SLC25A28: variants seen among roughly 807,000 people sequenced by gnomAD.
The protein encoded by SLC25A28 is mitoferrin-2.
Under a neutral mutation model 31.9 loss-of-function variants are expected in SLC25A28, and 10 were observed. That is an observed-to-expected ratio of 0.31 (90% CI 0.19 to 0.53). SLC25A28 has a LOEUF of 0.53. SLC25A28 is among the 20% of genes least tolerant of loss of function. The pLI is 0.95. For synonymous variants in SLC25A28, 208 were observed against 203.6 expected, an observed-to-expected ratio of 1.02 and a Z score of -0.19; for missense variants, 256 against 490.3, an observed-to-expected ratio of 0.52 and a Z score of 4.51.
chr10:99,617,812 T>C, intron 1 of SLC25A28: 2 of 983,746 alleles, frequency 2.0e-6, no homozygotes, highest in Non-Finnish European at 2.4e-6. Flanking sequence ...AACTGCTATG[T>C]TGTATGACTA....
intron 1 of SLC25A28, among the ~76,000 whole-genome samples, chr10:99,619,693 T>C (rs961519806): frequency 2.0e-5 from 3 of 152,250 alleles, no homozygotes; most frequent in African/African-American, 7.2e-5. Flanking sequence ...TTCACGCCAG[T>C]TGGCTTCACC....
the SLC25A28 span, among the ~76,000 whole-genome samples, chr10:99,636,305 TCAACTC>T: frequency 4.6e-5 from 7 of 152,188 alleles, no homozygotes; most frequent in African/African-American, 1.7e-4. Context: ...AAACTGGAAA[TCAACTC>T]CAAAAGGAAC....
intron 1 of SLC25A28, chr10:99,617,392 G>T (rs2034683241): frequency 1.0e-6 from 1 of 985,448 alleles, no homozygotes. Context: ...AGGATGGACA[G>T]GCCTGCATGT....
chr10:99,620,853 C>T (rs1254565072), upstream of SLC25A28: 1 of 985,364 alleles, frequency 1.0e-6, no homozygotes, highest in African/African-American at 1.7e-5. Flanking sequence ...TCACTAGCGC[C>T]TGCAGAGCTG....
At chr10:99,627,410 T>A in the SLC25A28 span, among the ~76,000 whole-genome samples, 1 of 151,614 alleles carries the variant, frequency 6.6e-6, no homozygotes, top group South Asian at 2.1e-4. Context: ...CCAATTACAC[T>A]CTTTATTTAT....
At chr10:99,647,499 T>A in the SLC25A28 span, among the ~76,000 whole-genome samples, 1 of 152,234 alleles carries the variant, frequency 6.6e-6, no homozygotes, top group Non-Finnish European at 1.5e-5. Context: ...GCCCAATTTT[T>A]AATGGGATTA....
the SLC25A28 span, among the ~76,000 whole-genome samples, chr10:99,658,165 T>C: frequency 1.3e-5 from 2 of 152,174 alleles, no homozygotes; most frequent in African/African-American, 2.4e-5. Flanking sequence ...CCAGCCTGGA[T>C]GACAACAGAG....
upstream of SLC25A28, chr10:99,622,744 G>T (rs1026596997): frequency 1.2e-5 from 12 of 980,534 alleles, no homozygotes; most frequent in Non-Finnish European, 1.5e-5. Flanking sequence ...ATGCTTCTTG[G>T]TCATCTTTAA....
the SLC25A28 span, among the ~76,000 whole-genome samples, chr10:99,650,315 C>A: frequency 6.6e-6 from 1 of 152,102 alleles, no homozygotes; most frequent in Non-Finnish European, 1.5e-5. Flanking sequence ...GTAACTGGGA[C>A]TATAGGTGCA....
At chr10:99,631,966 G>A in the SLC25A28 span, among the ~76,000 whole-genome samples, 5 of 121,672 alleles carry the variant, frequency 4.1e-5, no homozygotes, top group South Asian at 5.7e-4. Context: ...GCGCAATCTC[G>A]GCTCACTGCA....
rs772873354 is a variant in SLC25A28 at position 99,613,861 on chromosome 10, A to G, written c.355T>C (p.Trp119Arg). The change falls in exon 2 of 4, where the codon TGG becomes CGG. Residue 119 changes from tryptophan (W) to arginine (R), a missense_variant. By Grantham distance (101) the Trp-to-Arg change is moderately radical (BLOSUM62 -3). Coordinates refer to ENST00000370495, the MANE Select transcript of SLC25A28 (RefSeq NM_031212.4). The surrounding 1 kb of genome is among the most constrained non-coding windows in gnomAD (Gnocchi z 4.9). ...ARYRNVLEAL[W>R]RIIRTEGLWR... ...AGGCCCTCCGTTCTTATAATCCTCC[A>G]GAGGGCCTCCAACACATTGCGATAG... The G allele has an allele frequency of 6.2e-7, 1 of 1,614,168 alleles. No individual in the cohort carries two copies.
At chr10:99,647,480 A>T in the SLC25A28 span, among the ~76,000 whole-genome samples, 1 of 152,122 alleles carries the variant, frequency 6.6e-6, no homozygotes, top group Non-Finnish European at 1.5e-5. Flanking sequence ...ATGTCTGTTC[A>T]TGTCCTTTGC....
the SLC25A28 span, among the ~76,000 whole-genome samples, chr10:99,650,616 G>A: frequency 6.6e-6 from 1 of 151,726 alleles, no homozygotes; most frequent in Non-Finnish European, 1.5e-5. Context: ...AAGAAGCTGT[G>A]GGGAAATGCA....
the SLC25A28 span, among the ~76,000 whole-genome samples, chr10:99,633,132 T>C: frequency 4.1e-4 from 62 of 152,190 alleles, no homozygotes; most frequent in East Asian, 0.011. Context: ...GGACACAACA[T>C]TTTCATTTAA....
the SLC25A28 span, among the ~76,000 whole-genome samples, chr10:99,648,230 C>A: frequency 6.6e-6 from 1 of 151,624 alleles, no homozygotes; most frequent in Non-Finnish European, 1.5e-5. Flanking sequence ...CAACTTCTGG[C>A]CTCAAGTAAT....
At chr10:99,622,821 T>C, upstream of SLC25A28, 1 of 394,652 alleles carries the variant, frequency 2.5e-6, no homozygotes, top group South Asian at 1.1e-4. Context: ...ATTTCCCTTA[T>C]TGCATACTTT....
At chr10:99,644,944 C>G in the SLC25A28 span, among the ~76,000 whole-genome samples, 2 of 152,186 alleles carry the variant, frequency 1.3e-5, no homozygotes, top group East Asian at 3.9e-4. Context: ...GATGGGCTTG[C>G]CTTTGTGGGT....
intron 1 of SLC25A28, chr10:99,619,235 T>C (rs915929282): frequency 2.0e-6 from 2 of 985,332 alleles, no homozygotes; most frequent in African/African-American, 1.7e-5. Context: ...ATTTTCTTCA[T>C]ACTTACATCT....
At chr10:99,634,355 G>A in the SLC25A28 span, among the ~76,000 whole-genome samples, 141 of 152,204 alleles carry the variant, frequency 9.3e-4, 3 homozygotes, top group East Asian at 0.026. Flanking sequence ...AATTAGGGAG[G>A]CACCAGAGAA....
Sources: gnomAD v4.1 joint callset for allele counts (sites outside exome capture counted in the v4.1 genomes callset) on GRCh38, gnomAD v4.1.1 for gene constraint, Gnocchi (gnomAD v3.1) non-coding constraint, MANE v1.5 for transcripts, NCBI Gene and HGNC (gene_info 2026-07-23, HGNC 2026-07-21) for gene names.